Variants in SLC9A3 observed in about 807,000 individuals in gnomAD.
The protein encoded by SLC9A3 is sodium/hydrogen exchanger 3.
In SLC9A3, 37 loss-of-function variants were observed where a neutral mutation model predicts 86.8. The ratio of observed to expected loss-of-function variants is 0.43; its 90% CI spans 0.33 to 0.56. The LOEUF (loss-of-function observed/expected upper bound fraction) is 0.56, where lower values mean the gene tolerates loss of function less well. SLC9A3 is among the 20% of genes least tolerant of loss of function. The pLI, the probability that SLC9A3 is intolerant of heterozygous loss-of-function variation, is 0.06. For synonymous variants in SLC9A3, 581 were observed against 528.3 expected (o/e 1.10, Z -1.37); for missense variants, 1,011 against 1,171.9 (o/e 0.86, Z 2.00).
chr5:482,669 C>T lies in SLC9A3; in HGVS notation c.1235G>A (p.Gly412Glu). The T allele has an allele frequency of 6.2e-7, 1 of 1,612,548 alleles. No homozygotes were observed. The highest frequency in any genetic ancestry group is 8.5e-7 in the Non-Finnish European group (1 of 1,179,864). Residue 412 changes from glycine (G) to glutamate (E), a missense_variant, in exon 7 of 17, where the codon GGG becomes GAG. Physicochemically the swap from Gly to Glu is moderately conservative, Grantham distance 98 (BLOSUM62 -2). This residue lies in a region of SLC9A3 where 565 missense variants were observed against 790.0 expected (regional missense o/e 0.72). Coordinates refer to ENST00000264938, the MANE Select transcript of SLC9A3 (RefSeq NM_004174.4). Reference sequence around the variant, plus strand: ...AAAGGCCACGGCCCCGCGCAGGCCCCCGTAGGACAGGACCACCTGGTCAAT... The same window carrying T: ...AAAGGCCACGGCCCCGCGCAGGCCCTCGTAGGACAGGACCACCTGGTCAAT... ...EPIDQVVLSY[G>E]GLRGAVAFAL...
In SLC9A3 at chr5:473,162, A is replaced by C. The variant is rs1579756432; in HGVS notation, c.*217T>G. 2.5e-6 allele frequency: 1 copy of C among 407,746 alleles called. No homozygotes were observed. The highest frequency in any genetic ancestry group is 3.9e-6 in the Non-Finnish European group (1 of 255,286). 25.3% of individuals were successfully genotyped at this position (407,746 alleles called of 1,614,324 possible). ...GGCGCTCCGGCCCCGCCCCCGGCGC[A>C]GGCCCCGCCCCCGGCTCGCCCTCGG... On this transcript the variant is annotated 3_prime_UTR_variant, in exon 17 of 17. Coordinates refer to ENST00000264938, the MANE Select transcript of SLC9A3 (RefSeq NM_004174.4).
intron 1 of SLC9A3, among the ~76,000 whole-genome samples, chr5:493,517 G>C (rs1321618881): frequency 6.6e-6 from 1 of 152,256 alleles, no homozygotes; most frequent in Non-Finnish European, 1.5e-5. Context: ...GCCCAGAGGA[G>C]GGAGGTGCTG....
intron 9 of SLC9A3, 136 bp downstream of exon 9, chr5:481,429 C>T: frequency 1.3e-6 from 1 of 779,302 alleles, no homozygotes; most frequent in Admixed American, 1.9e-5. Context: ...TGGCACCTGG[C>T]CTCATGGGGC....
chr5:524,390 C>G lies in SLC9A3; in HGVS notation c.-68G>C. 1.5e-6 allele frequency: 1 copy of G among 673,760 alleles called. No individual in the cohort carries two copies. Among genetic ancestry groups the G allele is most frequent in the Non-Finnish European group, 2.0e-6 (1 of 507,020 alleles). The allele number at this position is 673,760 out of a possible 1,614,324, so 41.7% of individuals were successfully genotyped here. On this transcript the variant is annotated 5_prime_UTR_variant, in exon 1 of 17. Transcript: ENST00000264938. ...GGGTCCCGGCTGGGCTGGGCCGACGCGCGGGGCTGGGACCCGGCGAGGACC... is the reference window on the plus strand; with the variant it reads ...GGGTCCCGGCTGGGCTGGGCCGACGGGCGGGGCTGGGACCCGGCGAGGACC...
At chr5:488,512 G>T (rs1739573255) in intron 2 of SLC9A3, 36 bp from the exon 3 acceptor site, 2 of 1,498,876 alleles carry the variant, frequency 1.3e-6, no homozygotes, top group Non-Finnish European at 1.8e-6. Context: ...CAGCTGCAGG[G>T]CCTGCCACCC....
At chr5:498,460 C>T (rs1169431898) in intron 1 of SLC9A3, among the ~76,000 whole-genome samples, 9 of 152,304 alleles carry the variant, frequency 5.9e-5, no homozygotes, top group Admixed American at 2.6e-4. Context: ...TGGAGTGCAG[C>T]GGCACCACCT....
intron 1 of SLC9A3, among the ~76,000 whole-genome samples, chr5:518,609 G>A (rs1345991029): frequency 6.6e-6 from 1 of 152,224 alleles, no homozygotes; most frequent in Non-Finnish European, 1.5e-5. Flanking sequence ...GGCAGATGAT[G>A]TGCAGGATGG....
chr5:494,033 G>A (rs1206085679), intron 1 of SLC9A3, among the ~76,000 whole-genome samples: 3 of 152,196 alleles, frequency 2.0e-5, no homozygotes, highest in East Asian at 3.9e-4. Context: ...TGGAGTCCTC[G>A]GGGCCCCGCT....
chr5:490,760 G>C (rs749801832), intron 2 of SLC9A3, among the ~76,000 whole-genome samples: 12 of 152,230 alleles, frequency 7.9e-5, no homozygotes, highest in Non-Finnish European at 1.3e-4. Flanking sequence ...TCCGAGGTGT[G>C]TCCTGACCAC....
At position 484,633 on chromosome 5, in the gene SLC9A3, C is replaced by T. The variant is rs202225949; in HGVS notation, c.819G>A (p.Ser273=). The change falls in exon 5 of 17, where the codon TCG becomes TCA. Residue 273 remains serine, a synonymous_variant. Transcript: ENST00000264938. ...LVGVVFAFLL[S]LVTRFTKHVR... ...CATGCTTGGTGAAGCGCGTCACCAGCGACAGCAGGAAGGCGAAGACCACCC... is the reference window on the plus strand; with the variant it reads ...CATGCTTGGTGAAGCGCGTCACCAGTGACAGCAGGAAGGCGAAGACCACCC... The T allele has an allele frequency of 2.8e-5, 45 of 1,613,224 alleles. No individual in the cohort carries two copies. Among genetic ancestry groups the T allele is most frequent in the South Asian group, 5.5e-5 (5 of 91,088 alleles).
intron 1 of SLC9A3, among the ~76,000 whole-genome samples, chr5:504,211 A>G (rs1026506599): frequency 2.0e-5 from 3 of 148,592 alleles, no homozygotes; most frequent in Non-Finnish European, 4.5e-5. Context: ...GCCGGAAGGC[A>G]TCGCTGTGGG....
intron 9 of SLC9A3, 57 bp downstream of exon 9, chr5:481,508 A>AG: frequency 7.2e-7 from 1 of 1,391,430 alleles, no homozygotes; most frequent in Non-Finnish European, 1.0e-6. Flanking sequence ...TTCCGAGTGG[A>AG]GGATGTTTCC....
intron 1 of SLC9A3, among the ~76,000 whole-genome samples, chr5:514,921 A>G (rs2126654562): frequency 6.6e-6 from 1 of 152,182 alleles, no homozygotes; most frequent in East Asian, 1.9e-4. Context: ...CACAGTCCAG[A>G]AGGGGACCCT....
chr5:479,752 C>G lies in SLC9A3; in HGVS notation c.1647+84G>C, dbSNP rs1401624605. On this transcript the variant is annotated intron_variant, in intron 10 of 16. Coordinates refer to ENST00000264938, the MANE Select transcript of SLC9A3 (RefSeq NM_004174.4). Reference sequence around the variant, plus strand: ...TGGCCTTGGGACGCGGGTGCAGGGGCCTCTCCTCACTGCCCCATGGCACCC... The same window carrying G: ...TGGCCTTGGGACGCGGGTGCAGGGGGCTCTCCTCACTGCCCCATGGCACCC... The G allele has an allele frequency of 5.9e-6, 8 of 1,353,454 alleles. No homozygotes were observed. In the African/African-American group the frequency reaches 2.0e-4, roughly 33 times the overall value. 83.8% of individuals were successfully genotyped at this position (1,353,454 alleles called of 1,614,324 possible).
chr5:473,866 G>A (rs1040355070), intron 16 of SLC9A3, among the ~76,000 whole-genome samples: 7 of 152,232 alleles, frequency 4.6e-5, no homozygotes, highest in Admixed American at 1.3e-4. Context: ...AGAGGGTCGG[G>A]GACCCGGGGC....
At chr5:492,705 G>A (rs1004183446) in intron 1 of SLC9A3, among the ~76,000 whole-genome samples, 7 of 152,112 alleles carry the variant, frequency 4.6e-5, no homozygotes, top group African/African-American at 1.7e-4. Context: ...GCTGGTTCTG[G>A]TCCCCCGGAC....
At chr5:494,341 C>T (rs903237926) in intron 1 of SLC9A3, among the ~76,000 whole-genome samples, 5 of 152,184 alleles carry the variant, frequency 3.3e-5, no homozygotes, top group African/African-American at 4.8e-5. Flanking sequence ...GACCTGGCCT[C>T]GCAGAGCTTT....
chr5:489,213 C>T (rs1004089336), intron 2 of SLC9A3, among the ~76,000 whole-genome samples: 1 of 152,198 alleles, frequency 6.6e-6, no homozygotes, highest in South Asian at 2.1e-4. Context: ...TGCCCTCTCT[C>T]ACGGCCGCAG....
Position 473,170 on chromosome 5 carries a change from C to CCCCCGGCGCAGGCCCCGT in SLC9A3, c.*208_*209insACGGGGCCTGCGCCGGGG, listed in dbSNP as rs2126598312. 8.8e-6 allele frequency: 4 copies of CCCCCGGCGCAGGCCCCGT among 454,508 alleles called. No homozygotes were observed. Among genetic ancestry groups the CCCCCGGCGCAGGCCCCGT allele is most frequent in the Non-Finnish European group, 1.0e-5 (3 of 293,526 alleles). 28.2% of individuals were successfully genotyped at this position (454,508 alleles called of 1,614,324 possible). On this transcript the variant is annotated 3_prime_UTR_variant, in exon 17 of 17. Coordinates refer to ENST00000264938, the MANE Select transcript of SLC9A3 (RefSeq NM_004174.4). Reference sequence around the variant, plus strand: ...GGCCCCGCCCCCGGCGCAGGCCCCGCCCCCGGCTCGCCCTCGGGCGGCTCT... The same window carrying CCCCCGGCGCAGGCCCCGT: ...GGCCCCGCCCCCGGCGCAGGCCCCGCCCCCGGCGCAGGCCCCGTCCCCGGCTCGCCCTCGGGCGGCTCT...
Sources: gnomAD v4.1 joint callset for allele counts (sites outside exome capture counted in the v4.1 genomes callset) on GRCh38, gnomAD v4.1.1 for gene constraint, gnomAD v4.1.1 regional missense constraint, MANE v1.5 for transcripts, NCBI Gene and HGNC (gene_info 2026-07-23, HGNC 2026-07-21) for gene names.